NFATC3: variants seen among roughly 807,000 people sequenced by gnomAD.
NFATC3 encodes nuclear factor of activated T cells 3, also known as nuclear factor of activated T-cells, cytoplasmic 3.
A neutral mutation model predicts 98.6 loss-of-function variants in NFATC3; 46 were observed. The observed-to-expected ratio is 0.47, with a 90% CI of 0.37 to 0.60. The LOEUF (loss-of-function observed/expected upper bound fraction) is 0.60. NFATC3 is among the 20% of genes least tolerant of loss of function. The pLI is 0.00. For synonymous variants in NFATC3, 512 were observed against 472.2 expected, an observed-to-expected ratio of 1.08 and a Z score of -1.09; for missense variants, 1,256 against 1,295.5, an observed-to-expected ratio of 0.97 and a Z score of 0.47.
rs1466908889 is a variant in NFATC3 at position 68,144,310 on chromosome 16, G to GATGCTTCATAAACTGC, written c.1402-13558_1402-13543dup. Reference sequence around the variant, plus strand: ...TGTTGTCAAGGATGCACAGAAACTGGATGCTTCATAAACTGCTAGTGAGAG... The same window carrying GATGCTTCATAAACTGC: ...TGTTGTCAAGGATGCACAGAAACTGGATGCTTCATAAACTGCATGCTTCATAAACTGCTAGTGAGAG... On this transcript the variant is annotated intron_variant, in intron 3 of 9. Coordinates refer to ENST00000346183, the MANE Select transcript of NFATC3 (RefSeq NM_173165.3). Among the ~76,000 whole-genome samples, 5 of 152,050 alleles carry GATGCTTCATAAACTGC rather than the reference G, an allele frequency of 3.3e-5. No individual in the cohort carries two copies. The East Asian group carries it at 9.6e-4, about 29-fold the overall frequency.
chr16:68,148,226 G>A (rs2038138084), intron 3 of NFATC3, among the ~76,000 whole-genome samples: 1 of 152,114 alleles, frequency 6.6e-6, no homozygotes, highest in African/African-American at 2.4e-5. Context: ...ATGTTGGTCA[G>A]GCTGGTCTCG....
chr16:68,137,108 A>G (rs2037458488), intron 3 of NFATC3, among the ~76,000 whole-genome samples: 1 of 152,092 alleles, frequency 6.6e-6, no homozygotes, highest in South Asian at 2.1e-4. Flanking sequence ...TTTCTTTAAT[A>G]ATTAACTTTT....
intron 9 of NFATC3, among the ~76,000 whole-genome samples, chr16:68,198,696 G>A (rs2040773320): frequency 6.6e-6 from 1 of 152,052 alleles, no homozygotes; most frequent in Non-Finnish European, 1.5e-5. Flanking sequence ...GATCGCTTGA[G>A]CCCAGGAGTT....
intron 9 of NFATC3, chr16:68,218,007 CTTAT>C: frequency 8.5e-7 from 1 of 1,172,154 alleles, no homozygotes; most frequent in Non-Finnish European, 1.1e-6. Flanking sequence ...TTTTCAGGAA[CTTAT>C]TTCTGTCTGT....
chr16:68,181,455 T>C lies in NFATC3; in HGVS notation c.1916-20T>C. On this transcript the variant is annotated intron_variant, in intron 6 of 9. Transcript: ENST00000346183. The stretch of plus-strand genomic sequence containing the variant: ...TTCTGATATGAATTGCTTTTAACTA[T>C]AAACTCTTTCTTTCAATAGATGGAC... The C allele has an allele frequency of 6.3e-7, 1 of 1,598,294 alleles. No individual in the cohort carries two copies. Among genetic ancestry groups the C allele is most frequent in the African/African-American group, 1.3e-5 (1 of 74,616 alleles).
chr16:68,120,467 T>C (rs2036511268), intron 1 of NFATC3, among the ~76,000 whole-genome samples: 1 of 150,112 alleles, frequency 6.7e-6, no homozygotes, highest in Non-Finnish European at 1.5e-5. Context: ...TAATTCCAGC[T>C]ACTTGGGAGG....
rs2040410975 is a variant in NFATC3 at position 68,191,384 on chromosome 16, G to C, written c.2715G>C (p.Gln905His). The change falls in exon 9 of 10, where the codon CAG (glutamine) becomes CAC (histidine). Residue 905 changes from glutamine (Q) to histidine (H), a missense_variant. Physicochemically the swap from Gln to His is conservative, Grantham distance 24. Coordinates refer to ENST00000346183, the MANE Select transcript of NFATC3 (RefSeq NM_173165.3). ...CAGTGGCTGACCAGATTACAGGTCAGCCTTCGTCTCAGTTACAACCTATTA... is the reference window on the plus strand; with the variant it reads ...CAGTGGCTGACCAGATTACAGGTCACCCTTCGTCTCAGTTACAACCTATTA... ...SSPVADQITGQPSSQLQPITY... is the reference protein window; with the variant it reads ...SSPVADQITGHPSSQLQPITY... The C allele has an allele frequency of 1.2e-6, 2 of 1,614,026 alleles. No individual in the cohort carries two copies. The highest frequency in any genetic ancestry group is 3.3e-5 in the Admixed American group (2 of 59,996).
intron 1 of NFATC3, among the ~76,000 whole-genome samples, chr16:68,101,289 G>A (rs1339598354): frequency 6.6e-6 from 1 of 151,800 alleles, no homozygotes; most frequent in Non-Finnish European, 1.5e-5. Flanking sequence ...AACCACAGGT[G>A]TGCACCACCA....
rs1006704768 is a variant in NFATC3 at position 68,183,947 on chromosome 16, G to A, written c.2098+581G>A. Among the ~76,000 whole-genome samples the A allele has an allele frequency of 6.7e-5, 10 of 149,922 alleles. No homozygotes were observed. In the East Asian group the frequency reaches 7.8e-4, roughly 12 times the overall value. On this transcript the variant is annotated intron_variant, in intron 8 of 9. Transcript: ENST00000346183. ...GCTTGAACCCAGGAGTGGAGGTTGC[G>A]GTGAGCCGAGATCGCACCATTGCAC...
chr16:68,166,615 A>T (rs1375037691), intron 4 of NFATC3, among the ~76,000 whole-genome samples: 2 of 152,222 alleles, frequency 1.3e-5, no homozygotes, highest in Admixed American at 6.5e-5. Flanking sequence ...AATGAAGAGG[A>T]ATTATTAACT....
In NFATC3 at chr16:68,220,757, C is replaced by CAA. The variant is rs11372732; in HGVS notation, c.3107-5581_3107-5580dup. On this transcript the variant is annotated intron_variant, in intron 9 of 9. Transcript: ENST00000346183. ...CCCGTCTCTACTAAAAAAAAAAATA[C>CAA]AAAAAAAAAAAAATAGCCAGGCATT... is the stretch of plus-strand genomic sequence containing the variant. Among the ~76,000 whole-genome samples the CAA allele has an allele frequency of 2.5e-3, 332 of 132,484 alleles. 3 individuals are homozygous for CAA. The highest frequency in any genetic ancestry group is 0.01 in the South Asian group (44 of 4,238). The allele number at this position is 132,484 out of a possible 152,430, so 86.9% of individuals were successfully genotyped here.
chr16:68,195,168 T>G (rs1387667039), intron 9 of NFATC3, among the ~76,000 whole-genome samples: 2 of 151,656 alleles, frequency 1.3e-5, no homozygotes, highest in African/African-American at 4.8e-5. Context: ...GACAAGAGAA[T>G]TGCTTGAACC....
chr16:68,097,209 T>TAAAA (rs2035064220), intron 1 of NFATC3, among the ~76,000 whole-genome samples: 1 of 152,212 alleles, frequency 6.6e-6, no homozygotes, highest in Non-Finnish European at 1.5e-5. Context: ...AGGTGATTCA[T>TAAAA]TTTAATAAAA....
intron 9 of NFATC3, among the ~76,000 whole-genome samples, chr16:68,216,239 A>C (rs1239999974): frequency 2.6e-5 from 4 of 152,180 alleles, no homozygotes; most frequent in Admixed American, 1.3e-4. Flanking sequence ...TTCAGAGGAA[A>C]ATGTACAAAA....
rs150611130 is a variant in NFATC3 at position 68,109,749 on chromosome 16, A to C, written c.104-12238A>C. The stretch of plus-strand genomic sequence containing the variant: ...GGCTATGTATTACTGCCTCAATTTC[A>C]TAACTCATTATTGGTCTGTTCAGGT... On this transcript the variant is annotated intron_variant, in intron 1 of 9. Transcript: ENST00000346183. 4.4e-3 allele frequency among the ~76,000 whole-genome samples: 665 copies of C among 152,242 alleles called. 7 individuals are homozygous for C. The highest frequency in any genetic ancestry group is 0.015 in the African/African-American group (610 of 41,548).
At chr16:68,197,537 C>G (rs2040727625) in intron 9 of NFATC3, among the ~76,000 whole-genome samples, 1 of 152,212 alleles carries the variant, frequency 6.6e-6, no homozygotes, top group African/African-American at 2.4e-5. Flanking sequence ...AGGAAGATCA[C>G]TTGAGCCTAG....
At chr16:68,140,440 G>A (rs950219331) in intron 3 of NFATC3, among the ~76,000 whole-genome samples, 14 of 152,242 alleles carry the variant, frequency 9.2e-5, no homozygotes, top group Non-Finnish European at 1.9e-4. Flanking sequence ...CTAGCTACAC[G>A]TGGATATTTC....
chr16:68,183,717 A>T (rs2040042264), intron 8 of NFATC3, among the ~76,000 whole-genome samples: 1 of 152,158 alleles, frequency 6.6e-6, no homozygotes. Flanking sequence ...ATAAAAAGGC[A>T]GTGTGGCCAG....
At chr16:68,133,676 A>G (rs577471379) in intron 3 of NFATC3, among the ~76,000 whole-genome samples, 1 of 152,274 alleles carries the variant, frequency 6.6e-6, no homozygotes. Context: ...TTTTATATAA[A>G]TGGATGTCCT....
Sources: gnomAD v4.1 joint callset for allele counts (sites outside exome capture counted in the v4.1 genomes callset) on GRCh38, gnomAD v4.1.1 for gene constraint, MANE v1.5 for transcripts, NCBI Gene and HGNC (gene_info 2026-07-23, HGNC 2026-07-21) for gene names.